Variants in PAQR5 observed in about 807,000 individuals in gnomAD.
PAQR5 encodes membrane progestin receptor gamma.
In PAQR5, 20 loss-of-function variants were observed where a neutral mutation model predicts 34.5. That is an observed-to-expected ratio of 0.58 (90% CI 0.41 to 0.84). PAQR5 has a LOEUF of 0.84. Ranked by LOEUF, PAQR5 falls within the 40% of genes least tolerant of loss-of-function variation. PAQR5 has a pLI of 0.00. For missense variants in PAQR5, 378 were observed against 412.7 expected, an observed-to-expected ratio of 0.92 and a Z score of 0.73; for synonymous variants, 131 against 155.6, an observed-to-expected ratio of 0.84 and a Z score of 1.18.
chr15:69,405,026 G>C lies in PAQR5; in HGVS notation c.*1204G>C, dbSNP rs2056734338. ...TTGTTTCGCCTGATCTCAAGTTTTA[G>C]CAACTCACCAACTAAGGCGTAACCT... On this transcript the variant is annotated 3_prime_UTR_variant, in exon 9 of 9. Transcript: ENST00000395407. 1 of 398,474 alleles carries C rather than the reference G, an allele frequency of 2.5e-6. No homozygotes were observed. The highest frequency in any genetic ancestry group is 4.4e-5 in the Admixed American group (1 of 22,714). The allele number at this position is 398,474 out of a possible 1,614,324, so 24.7% of individuals were successfully genotyped here.
rs539828945 is a variant in PAQR5, at chr15:69,404,521, A to G, written c.*699A>G. 1 of 156,664 alleles carries G rather than the reference A, an allele frequency of 6.4e-6. No individual in the cohort carries two copies. The highest frequency in any genetic ancestry group is 2.4e-5 in the African/African-American group (1 of 41,728). The allele number at this position is 156,664 out of a possible 1,614,324, so 9.7% of individuals were successfully genotyped here. ...ACAGCGGGGTGTCATGTGTTCTGTT[A>G]TGTTCTGTTTTCTGGTTGCCAGTTT... On this transcript the variant is annotated 3_prime_UTR_variant, in exon 9 of 9. Transcript: ENST00000395407.
At chr15:69,302,228 G>A (rs1404926763) in intron 1 of PAQR5, among the ~76,000 whole-genome samples, 6 of 151,916 alleles carry the variant, frequency 3.9e-5, no homozygotes, top group Admixed American at 2.6e-4. Context: ...ATGCACCACC[G>A]TGCCCAGCTA....
At chr15:69,302,902 G>A (rs2053636275) in intron 1 of PAQR5, among the ~76,000 whole-genome samples, 1 of 152,226 alleles carries the variant, frequency 6.6e-6, no homozygotes, top group South Asian at 2.1e-4. Context: ...GAGTCTCTAA[G>A]CTGGACTAAT....
chr15:69,373,180 C>T (rs1449061566), intron 3 of PAQR5, among the ~76,000 whole-genome samples: 1 of 152,152 alleles, frequency 6.6e-6, no homozygotes, highest in African/African-American at 2.4e-5. Context: ...TTTGATTATA[C>T]TGGGCCGACC....
intron 1 of PAQR5, among the ~76,000 whole-genome samples, chr15:69,326,311 G>A (rs2054250172): frequency 6.6e-6 from 1 of 152,182 alleles, no homozygotes; most frequent in African/African-American, 2.4e-5. Context: ...GTATCCATGT[G>A]AAGAAGCTGT....
intron 3 of PAQR5, among the ~76,000 whole-genome samples, chr15:69,372,035 G>T (rs2055576433): frequency 6.6e-6 from 1 of 152,180 alleles, no homozygotes; most frequent in Admixed American, 6.5e-5. Flanking sequence ...ATGTGTTTCA[G>T]CAAGATGTCC....
chr15:69,405,241 T>TTCC lies in PAQR5; in HGVS notation c.*1422_*1424dup. Reference sequence around the variant, plus strand: ...GCACTTGGTAATGACTTAGGGGGGCTTCCTCACAATGCAGGATCCTCTTTG... The same window carrying TTCC: ...GCACTTGGTAATGACTTAGGGGGGCTTCCTCCTCACAATGCAGGATCCTCTTTG... On this transcript the variant is annotated 3_prime_UTR_variant, in exon 9 of 9. Transcript: ENST00000395407. 1 of 363,150 alleles carries TTCC rather than the reference T, an allele frequency of 2.8e-6. No homozygotes were observed. Among genetic ancestry groups the TTCC allele is most frequent in the Non-Finnish European group, 4.9e-6 (1 of 204,118 alleles). The allele number at this position is 363,150 out of a possible 1,614,324, so 22.5% of individuals were successfully genotyped here.
intron 1 of PAQR5, among the ~76,000 whole-genome samples, chr15:69,327,906 G>A (rs1416125326): frequency 6.6e-6 from 1 of 152,056 alleles, no homozygotes; most frequent in Admixed American, 6.6e-5. Flanking sequence ...AGCCTCCCGA[G>A]TAGTTGGGAT....
rs113585277 is a variant in PAQR5 at position 69,366,815 on chromosome 15, C to T, written c.51+6684C>T. 7.3e-3 allele frequency among the ~76,000 whole-genome samples: 1,117 copies of T among 152,162 alleles called. 17 individuals are homozygous for T. The highest frequency in any genetic ancestry group is 0.026 in the African/African-American group (1,067 of 41,510). On this transcript the variant is annotated intron_variant, in intron 3 of 8. Transcript: ENST00000395407. Reference sequence around the variant, plus strand: ...ACTATGGTGGCAAATTTGTAAATTACTTCTTGTAAGTTAATTTTTACTTTA... The same window carrying T: ...ACTATGGTGGCAAATTTGTAAATTATTTCTTGTAAGTTAATTTTTACTTTA...
Position 69,404,769 on chromosome 15 carries a change from A to C in PAQR5, c.*947A>C, listed in dbSNP as rs1158752340. 2.5e-6 allele frequency: 1 copy of C among 395,916 alleles called. No individual in the cohort carries two copies. The highest frequency in any genetic ancestry group is 3.6e-5 in the East Asian group (1 of 27,964). 24.5% of individuals were successfully genotyped at this position (395,916 alleles called of 1,614,324 possible). A position where few individuals can be genotyped will look rare whatever the true frequency, so the allele number is the denominator to read the frequency against. Reference sequence around the variant, plus strand: ...ATCACCTTGCCAGTGGGGTGGTCACATATAGTGTTCTCAAGCTTTACTGTG... The same window carrying C: ...ATCACCTTGCCAGTGGGGTGGTCACCTATAGTGTTCTCAAGCTTTACTGTG... On this transcript the variant is annotated 3_prime_UTR_variant, in exon 9 of 9. Coordinates refer to ENST00000395407, the MANE Select transcript of PAQR5 (RefSeq NM_017705.4).
chr15:69,306,287 T>C (rs1841142273), intron 1 of PAQR5, among the ~76,000 whole-genome samples: 1 of 151,712 alleles, frequency 6.6e-6, no homozygotes, highest in Non-Finnish European at 1.5e-5. Context: ...ATTTTTGTTG[T>C]GTTATTTTGT....
At chr15:69,332,779 TAAAAAAAA>T (rs56280711) in intron 1 of PAQR5, among the ~76,000 whole-genome samples, 3 of 59,794 alleles carry the variant, frequency 5.0e-5, no homozygotes, top group Admixed American at 2.7e-4. Context: ...CTAAATCTTG[TAAAAAAAA>T]AAAAAAAAAA....
chr15:69,307,489 G>A (rs900981314), intron 1 of PAQR5, among the ~76,000 whole-genome samples: 1 of 152,116 alleles, frequency 6.6e-6, no homozygotes, highest in African/African-American at 2.4e-5. Context: ...GAAGGAAAAA[G>A]CCCAGGCTGC....
chr15:69,301,188 G>C (rs961881030), intron 1 of PAQR5, among the ~76,000 whole-genome samples: 2 of 151,872 alleles, frequency 1.3e-5, no homozygotes, highest in African/African-American at 4.8e-5. Context: ...ATTTTTAGTA[G>C]AGACAGGGTT....
At chr15:69,304,545 G>A (rs1485983473) in intron 1 of PAQR5, among the ~76,000 whole-genome samples, 1 of 152,156 alleles carries the variant, frequency 6.6e-6, no homozygotes, top group Admixed American at 6.5e-5. Context: ...AAAAGATAGT[G>A]CCCCCAAATC....
At chr15:69,310,598 T>C (rs1322152186) in intron 1 of PAQR5, among the ~76,000 whole-genome samples, 1 of 152,264 alleles carries the variant, frequency 6.6e-6, no homozygotes, top group African/African-American at 2.4e-5. Context: ...ATCAGAACTT[T>C]TTCTTATTAG....
chr15:69,349,488 G>GT (rs1197888233), intron 2 of PAQR5, among the ~76,000 whole-genome samples: 1 of 152,112 alleles, frequency 6.6e-6, no homozygotes, highest in African/African-American at 2.4e-5. Context: ...ATTTATTGCT[G>GT]TGGGCACACT....
rs149334561 is a variant in PAQR5, at chr15:69,305,870, C to A, written c.-277+6814C>A. On this transcript the variant is annotated intron_variant, in intron 1 of 8. Coordinates refer to ENST00000395407, the MANE Select transcript of PAQR5 (RefSeq NM_017705.4). ...CCTTGTCGCTTAATGGAAGGGCAGA[C>A]GATCTTTGGCAGGGGGAGGGGTTTG... Among the ~76,000 whole-genome samples the A allele has an allele frequency of 1.2e-3, 178 of 152,256 alleles. 3 individuals are homozygous for A. In the East Asian group the frequency reaches 0.031, roughly 27 times the overall value.
At chr15:69,319,949 G>A (rs2054055269) in intron 1 of PAQR5, among the ~76,000 whole-genome samples, 1 of 152,198 alleles carries the variant, frequency 6.6e-6, no homozygotes, top group Non-Finnish European at 1.5e-5. Context: ...TCTGCGGTCT[G>A]GTCTGGCTTC....
Sources: gnomAD v4.1 joint callset for allele counts (sites outside exome capture counted in the v4.1 genomes callset) on GRCh38, gnomAD v4.1.1 for gene constraint, MANE v1.5 for transcripts, NCBI Gene and HGNC (gene_info 2026-07-23, HGNC 2026-07-21) for gene names.